The following HTT-AS variants were observed in gnomAD, a reference collection of about 807,000 sequenced individuals.
HTT-AS encodes the protein HTT antisense RNA, also known as HTT antisense RNA (head to head).
At chr4:3,057,440 A>G (rs1271327024) in intron 2 of HTT-AS, among the ~76,000 whole-genome samples, 2 of 152,092 alleles carry the variant, frequency 1.3e-5, no homozygotes, top group Non-Finnish European at 2.9e-5. Flanking sequence ...CATTGTACAT[A>G]TGTTACTGGA....
chr4:3,058,074 C>G (rs1711843806), intron 2 of HTT-AS, among the ~76,000 whole-genome samples: 1 of 151,820 alleles, frequency 6.6e-6, no homozygotes, highest in South Asian at 2.1e-4. Context: ...CGCCTGTAAT[C>G]CCAGCACTTT....
intron 1 of HTT-AS, among the ~76,000 whole-genome samples, chr4:3,065,219 A>G (rs546648012): frequency 6.6e-6 from 1 of 152,164 alleles, no homozygotes; most frequent in African/African-American, 2.4e-5. Context: ...AAAATTAGGA[A>G]TAAGAGGATA....
intron 1 of HTT-AS, among the ~76,000 whole-genome samples, chr4:3,071,605 A>G (rs1472198294): frequency 6.6e-6 from 1 of 152,098 alleles, no homozygotes; most frequent in Non-Finnish European, 1.5e-5. Flanking sequence ...GTGCAACTCT[A>G]TTACTTATTG....
At chr4:3,068,172 G>A (rs1442541490) in intron 1 of HTT-AS, among the ~76,000 whole-genome samples, 1 of 151,866 alleles carries the variant, frequency 6.6e-6, no homozygotes, top group East Asian at 1.9e-4. Flanking sequence ...CGGGCATGGT[G>A]GTGGGTGCCT....
At chr4:3,047,842 T>C (rs1030964104), downstream of HTT-AS, among the ~76,000 whole-genome samples, 1 of 152,226 alleles carries the variant, frequency 6.6e-6, no homozygotes, top group African/African-American at 2.4e-5. Flanking sequence ...ATCTTCTAGA[T>C]AGCAGTAGCA....
At chr4:3,053,738 A>G (rs1287162118) in intron 2 of HTT-AS, among the ~76,000 whole-genome samples, 3 of 151,212 alleles carry the variant, frequency 2.0e-5, no homozygotes, top group Non-Finnish European at 4.4e-5. Context: ...GGCAGGTTAG[A>G]TATTAGGTTT....
intron 1 of HTT-AS, among the ~76,000 whole-genome samples, chr4:3,068,984 C>A (rs1364185949): frequency 6.6e-6 from 1 of 152,146 alleles, no homozygotes; most frequent in Non-Finnish European, 1.5e-5. Flanking sequence ...AATTAAAACA[C>A]ATGGCAATAA....
chr4:3,051,123 G>A (rs1444226902), intron 2 of HTT-AS, among the ~76,000 whole-genome samples: 2 of 150,952 alleles, frequency 1.3e-5, no homozygotes, highest in Non-Finnish European at 2.9e-5. Flanking sequence ...CTGGAGTACA[G>A]TGACAGGATC....
chr4:3,057,386 AGT>A (rs1358862876), intron 2 of HTT-AS, among the ~76,000 whole-genome samples: 1 of 152,122 alleles, frequency 6.6e-6, no homozygotes, highest in African/African-American at 2.4e-5. Flanking sequence ...TCCATGTTGT[AGT>A]GTGTGTCAGA....
intron 2 of HTT-AS, among the ~76,000 whole-genome samples, chr4:3,053,027 A>G (rs1711735415): frequency 6.6e-6 from 1 of 151,626 alleles, no homozygotes; most frequent in Non-Finnish European, 1.5e-5. Flanking sequence ...ATTTTTGGAG[A>G]TCCGTTTTGC....
At chr4:3,056,243 C>T (rs1341864705) in intron 2 of HTT-AS, among the ~76,000 whole-genome samples, 3 of 152,172 alleles carry the variant, frequency 2.0e-5, no homozygotes, top group African/African-American at 4.8e-5. Flanking sequence ...ATGAATGATT[C>T]GTGAATTGGG....
exon 3 of HTT-AS, among the ~76,000 whole-genome samples, chr4:3,049,554 T>C (rs1208933280): frequency 1.3e-5 from 2 of 152,188 alleles, no homozygotes; most frequent in African/African-American, 4.8e-5. Flanking sequence ...AAGGTTCCAA[T>C]GGGTGTACAG....
downstream of HTT-AS, among the ~76,000 whole-genome samples, chr4:3,048,073 C>A (rs182205860): frequency 1.7e-3 from 264 of 152,244 alleles, 2 homozygotes; most frequent in Admixed American, 3.5e-3. Context: ...GCATTCGGGG[C>A]CACTACCAGT....
chr4:3,054,591 T>C (rs929809655), intron 2 of HTT-AS, among the ~76,000 whole-genome samples: 4 of 152,322 alleles, frequency 2.6e-5, no homozygotes, highest in African/African-American at 9.6e-5. Context: ...AATTGTAGGT[T>C]TGTAAAAATT....
intron 2 of HTT-AS, among the ~76,000 whole-genome samples, chr4:3,061,978 T>C (rs1252660496): frequency 2.7e-5 from 3 of 110,578 alleles, no homozygotes; most frequent in African/African-American, 1.1e-4. Flanking sequence ...CAAGACTCTA[T>C]CTCAAATTAA....
chr4:3,069,633 C>T (rs1453044614), intron 1 of HTT-AS, among the ~76,000 whole-genome samples: 1 of 151,858 alleles, frequency 6.6e-6, no homozygotes, highest in Non-Finnish European at 1.5e-5. Context: ...AAAGACCCCA[C>T]ATAAGAAGCT....
At chr4:3,068,054 C>T (rs918250593) in intron 1 of HTT-AS, among the ~76,000 whole-genome samples, 1 of 151,962 alleles carries the variant, frequency 6.6e-6, no homozygotes, top group Non-Finnish European at 1.5e-5. Context: ...GCCTGTAATC[C>T]CAGCACTTTG....
chr4:3,068,410 G>A (rs1021112542), intron 1 of HTT-AS, among the ~76,000 whole-genome samples: 3 of 151,184 alleles, frequency 2.0e-5, no homozygotes, highest in Non-Finnish European at 2.9e-5. Context: ...CCGTGAAGAA[G>A]GAAGGCAAAA....
chr4:3,049,339 G>A (rs550179554), exon 3 of HTT-AS, among the ~76,000 whole-genome samples: 2 of 152,124 alleles, frequency 1.3e-5, no homozygotes, highest in African/African-American at 4.8e-5. Context: ...TATGAGAATC[G>A]CTTGAACCCA....
Sources: gnomAD v4.1 joint callset for allele counts (sites outside exome capture counted in the v4.1 genomes callset) on GRCh38, gnomAD v4.1.1 for gene constraint, MANE v1.5 for transcripts, NCBI Gene and HGNC (gene_info 2026-07-23, HGNC 2026-07-21) for gene names.